Variants in HDAC1 observed in about 807,000 individuals in gnomAD.
HDAC1 encodes histone deacetylase 1.
A neutral mutation model predicts 65.5 loss-of-function variants in HDAC1; 18 were observed. That is an observed-to-expected ratio of 0.27 (90% CI 0.19 to 0.41). HDAC1 has a LOEUF of 0.41. Among genes scored for constraint, HDAC1 ranks in the 10% least tolerant of loss-of-function variants. HDAC1 has a pLI of 1.00. For synonymous variants in HDAC1, 211 were observed against 227.9 expected, an observed-to-expected ratio of 0.93 and a Z score of 0.67; for missense variants, 373 against 625.2, an observed-to-expected ratio of 0.60 and a Z score of 4.30.
intron 4 of HDAC1, 132 bp from the exon 5 acceptor site, chr1:32,326,807 G>T: frequency 1.2e-6 from 1 of 828,532 alleles, no homozygotes. Flanking sequence ...GGAGGGAGGG[G>T]ACTGGTCTAT....
chr1:32,319,253 C>A (rs1641107408), intron 3 of HDAC1, among the ~76,000 whole-genome samples: 2 of 151,976 alleles, frequency 1.3e-5, no homozygotes, highest in Admixed American at 6.6e-5. Context: ...AAAAATTTTT[C>A]TAATTAAAAT....
chr1:32,309,805 C>G (rs1640966206), intron 2 of HDAC1, among the ~76,000 whole-genome samples: 1 of 152,058 alleles, frequency 6.6e-6, no homozygotes, highest in Admixed American at 6.6e-5. Context: ...AGTGATTCTC[C>G]TGCCTCAGCC....
At chr1:32,332,559 A>G (rs1002871465) in intron 12 of HDAC1, 142 bp from the exon 13 acceptor site, 9 of 685,618 alleles carry the variant, frequency 1.3e-5, no homozygotes, top group Non-Finnish European at 2.3e-5. Context: ...AACAGGGCTC[A>G]CTGGGAGGAC....
intron 1 of HDAC1, among the ~76,000 whole-genome samples, chr1:32,300,238 C>G (rs920826220): frequency 2.0e-5 from 3 of 152,006 alleles, no homozygotes; most frequent in African/African-American, 7.2e-5. Context: ...GCATATTAAT[C>G]CTTGCCTTCA....
chr1:32,294,509 CTT>C (rs533642905), intron 1 of HDAC1, among the ~76,000 whole-genome samples: 17 of 125,466 alleles, frequency 1.4e-4, no homozygotes, highest in Admixed American at 1.6e-4. Context: ...CAGTTGATAA[CTT>C]TTTTTTTTTT....
intron 1 of HDAC1, among the ~76,000 whole-genome samples, chr1:32,296,136 C>G (rs960719818): frequency 9.9e-5 from 15 of 152,114 alleles, no homozygotes; most frequent in African/African-American, 3.6e-4. Flanking sequence ...ACCTCTGTAT[C>G]CCCAGCACCA....
chr1:32,325,958 C>T (rs946642140), intron 4 of HDAC1, among the ~76,000 whole-genome samples: 29 of 151,404 alleles, frequency 1.9e-4, no homozygotes, highest in Non-Finnish European at 2.9e-4. Context: ...ACCTGGGAGG[C>T]GGAGGTTGCA....
At chr1:32,322,722 T>C (rs1641164040) in intron 3 of HDAC1, among the ~76,000 whole-genome samples, 1 of 152,236 alleles carries the variant, frequency 6.6e-6, no homozygotes, top group Admixed American at 6.5e-5. Flanking sequence ...TTGGTACTTT[T>C]ACCCCATTAG....
chr1:32,322,324 T>C (rs1557609248), intron 3 of HDAC1, among the ~76,000 whole-genome samples: 1 of 152,120 alleles, frequency 6.6e-6, no homozygotes, highest in East Asian at 1.9e-4. Context: ...TCACCCAGGC[T>C]GGAATGCAGG....
Position 32,331,096 on chromosome 1 carries a change from T to C in HDAC1, c.979+188T>C, listed in dbSNP as rs1641285276. ...CACTTTTTCCCTAGTCCTTTTTAGC[T>C]CTCTCCCCTCTCCCTCCTGCTTTTG... On this transcript the variant is annotated intron_variant, in intron 9 of 13. Coordinates refer to ENST00000373548, the MANE Select transcript of HDAC1 (RefSeq NM_004964.3). This position sits in a 1 kb window ranked among gnomAD's most constrained non-coding sequence, Gnocchi z 4.2. 6.6e-6 allele frequency among the ~76,000 whole-genome samples: 1 copy of C among 152,144 alleles called. No individual in the cohort carries two copies. Among genetic ancestry groups the C allele is most frequent in the African/African-American group, 2.4e-5 (1 of 41,428 alleles).
At chr1:32,313,899 G>A (rs1200621423) in intron 2 of HDAC1, among the ~76,000 whole-genome samples, 1 of 152,196 alleles carries the variant, frequency 6.6e-6, no homozygotes, top group East Asian at 1.9e-4. Flanking sequence ...TTGGTTCCTT[G>A]TGTTGAGCTG....
Position 32,330,415 on chromosome 1 carries a change from G to C in HDAC1, c.730-163G>C, listed in dbSNP as rs1326090549. 1 of 644,172 alleles carries C rather than the reference G, an allele frequency of 1.6e-6. No homozygotes were observed. Among genetic ancestry groups the C allele is most frequent in the Non-Finnish European group, 2.8e-6 (1 of 358,538 alleles). The allele number at this position is 644,172 out of a possible 1,614,324, so 39.9% of individuals were successfully genotyped here. ...AAATTGGAAAATTGAAATCCCAAGT[G>C]GGCAAGCAAGGGCTCCAGCCTAGCA... On this transcript the variant is annotated intron_variant, in intron 7 of 13. Coordinates refer to ENST00000373548, the MANE Select transcript of HDAC1 (RefSeq NM_004964.3). This position sits in a 1 kb window ranked among gnomAD's most constrained non-coding sequence, Gnocchi z 4.2.
At chr1:32,306,068 G>T (rs1051342744) in intron 2 of HDAC1, among the ~76,000 whole-genome samples, 2 of 152,110 alleles carry the variant, frequency 1.3e-5, no homozygotes. Flanking sequence ...TACCACAGTG[G>T]CTTAATTACA....
chr1:32,317,496 G>C (rs746261910), intron 3 of HDAC1, among the ~76,000 whole-genome samples: 3 of 152,152 alleles, frequency 2.0e-5, no homozygotes, highest in Non-Finnish European at 4.4e-5. Context: ...AAGAAGTTTT[G>C]ATTAACTTAT....
At chr1:32,332,873 G>A (rs2148074317) in intron 13 of HDAC1, 124 bp downstream of exon 13, 1 of 1,170,976 alleles carries the variant, frequency 8.5e-7, no homozygotes, top group East Asian at 2.6e-5. Flanking sequence ...TCAGGGACCA[G>A]TCTGTCCAGC....
At chr1:32,324,429 G>C (rs769801800) in intron 3 of HDAC1, 50 bp from the exon 4 acceptor site, 2 of 1,278,724 alleles carry the variant, frequency 1.6e-6, no homozygotes, top group Non-Finnish European at 2.3e-6. Flanking sequence ...TCATAAATAT[G>C]TAAACTAAAG....
chr1:32,300,209 A>G (rs1442148489), intron 1 of HDAC1, among the ~76,000 whole-genome samples: 2 of 152,154 alleles, frequency 1.3e-5, no homozygotes, highest in Non-Finnish European at 2.9e-5. Context: ...ATCTTTATTG[A>G]GCCTCTGTGA....
At position 32,316,612 on chromosome 1, in the gene HDAC1, CTG is replaced by C. The variant is rs1255837934; in HGVS notation, c.163-52_163-51del. 6.3e-6 allele frequency: 6 copies of C among 949,824 alleles called. No individual in the cohort carries two copies. The East Asian group carries it at 1.2e-4, about 19-fold the overall frequency. 58.8% of individuals were successfully genotyped at this position (949,824 alleles called of 1,614,324 possible). On this transcript the variant is annotated intron_variant, in intron 2 of 13. Transcript: ENST00000373548. ...AATATAAATATTCAAACTAGATTGA[CTG>C]GACTGGCCGTGGTCAAAAATAACTT...
chr1:32,314,875 GT>G (rs1401257334), intron 2 of HDAC1, among the ~76,000 whole-genome samples: 2 of 151,694 alleles, frequency 1.3e-5, no homozygotes, highest in Non-Finnish European at 2.9e-5. Context: ...AGTATTTGAT[GT>G]TTGAAGTGTT....
Sources: allele counts gnomAD v4.1 joint callset (sites outside exome capture counted in the v4.1 genomes callset), GRCh38; gene constraint gnomAD v4.1.1; non-coding constraint Gnocchi (gnomAD v3.1); transcripts MANE v1.5; gene names NCBI Gene and HGNC (gene_info 2026-07-23, HGNC 2026-07-21).